FBXL14: variants seen among roughly 807,000 people sequenced by gnomAD.
The protein encoded by FBXL14 is F-box and leucine rich repeat protein 14, also known as F-box/LRR-repeat protein 14.
FBXL14 carries 11 observed loss-of-function variants against 24.5 expected under a neutral mutation model. The ratio of observed to expected loss-of-function variants is 0.45; its 90% CI spans 0.28 to 0.74. FBXL14 has a LOEUF of 0.74. Among genes scored for constraint, FBXL14 ranks in the 30% least tolerant of loss-of-function variants. The probability of loss-of-function intolerance (pLI) is 0.12; values close to 1 mark genes in which losing one functional copy is unlikely to be tolerated. For missense variants in FBXL14, 384 were observed against 545.6 expected (o/e 0.70, Z 2.95); for synonymous variants, 294 against 240.4 (o/e 1.22, Z -2.06).
At chr12:1,581,028 T>C (rs916271654) in intron 1 of FBXL14, among the ~76,000 whole-genome samples, 4 of 152,202 alleles carry the variant, frequency 2.6e-5, no homozygotes, top group Non-Finnish European at 4.4e-5. Flanking sequence ...TGTTGATACC[T>C]GCTTCAGTGT....
chr12:1,577,135 G>T lies in FBXL14; in HGVS notation c.1195-10325C>A, dbSNP rs374171239. Reference sequence around the variant, plus strand: ...AACTTCTAGCAATGCTTAAGCAGGAGGCCAGGGAAGAGAGAATCTTGATAC... The same window carrying T: ...AACTTCTAGCAATGCTTAAGCAGGATGCCAGGGAAGAGAGAATCTTGATAC... On this transcript the variant is annotated intron_variant, in intron 1 of 1. Transcript: ENST00000339235. Among the ~76,000 whole-genome samples the T allele has an allele frequency of 2.1e-3, 322 of 152,348 alleles. 11 individuals carry two copies. In the South Asian group the frequency reaches 0.064, roughly 30 times the overall value.
Position 1,593,298 on chromosome 12 carries a change from T to G in FBXL14, c.769A>C (p.Ser257Arg). The change falls in exon 1 of 2, where the codon AGC becomes CGC. Residue 257 changes from serine (S) to arginine (R), a missense_variant. Transcript: ENST00000339235. The surrounding 1 kb of genome is among the most constrained non-coding windows in gnomAD (Gnocchi z 7.4). ...LHLSHMGSLR[S>R]LNLRSCDNIS... Reference sequence around the variant, plus strand: ...TTGTCACAGGAGCGCAGGTTGAGGCTGCGCAGGCTGCCCATGTGCGACAGG... The same window carrying G: ...TTGTCACAGGAGCGCAGGTTGAGGCGGCGCAGGCTGCCCATGTGCGACAGG... 1 of 1,612,924 alleles carries G rather than the reference T, an allele frequency of 6.2e-7. No homozygotes were observed.
At chr12:1,583,582 A>AG (rs2094471051) in intron 1 of FBXL14, among the ~76,000 whole-genome samples, 1 of 152,220 alleles carries the variant, frequency 6.6e-6, no homozygotes, top group Non-Finnish European at 1.5e-5. Flanking sequence ...TGAAAGAGAA[A>AG]GGACCAGAGG....
chr12:1,588,961 G>A (rs7306137), intron 1 of FBXL14, among the ~76,000 whole-genome samples: 1 of 150,934 alleles, frequency 6.6e-6, no homozygotes, highest in Non-Finnish European at 1.5e-5. Context: ...TTGAAGTACT[G>A]CCCTATGGCA....
chr12:1,581,898 G>A (rs2094467080), intron 1 of FBXL14, among the ~76,000 whole-genome samples: 1 of 152,216 alleles, frequency 6.6e-6, no homozygotes, highest in Non-Finnish European at 1.5e-5. Context: ...GCTGAGGCGG[G>A]TAGATCACCT....
chr12:1,575,031 A>G (rs2094453241), intron 1 of FBXL14, among the ~76,000 whole-genome samples: 1 of 152,324 alleles, frequency 6.6e-6, no homozygotes, highest in South Asian at 2.1e-4. Flanking sequence ...ATCTAAGTAC[A>G]ACAGTATGTC....
intron 1 of FBXL14, among the ~76,000 whole-genome samples, chr12:1,585,151 C>T (rs1224983545): frequency 1.3e-5 from 2 of 152,188 alleles, no homozygotes; most frequent in African/African-American, 4.8e-5. Context: ...GTCATCCCAG[C>T]ACTTTGGGAG....
intron 1 of FBXL14, among the ~76,000 whole-genome samples, chr12:1,581,592 G>A (rs757676123): frequency 2.0e-5 from 3 of 152,132 alleles, no homozygotes; most frequent in East Asian, 1.9e-4. Context: ...CTAGCTTCCC[G>A]GCAGAAATGG....
At position 1,567,891 on chromosome 12, in the gene FBXL14, G is replaced by A. The variant is rs544968018; in HGVS notation, c.1195-1081C>T. Among the ~76,000 whole-genome samples, 6 of 152,116 alleles carry A rather than the reference G, an allele frequency of 3.9e-5. No individual in the cohort carries two copies. The highest frequency in any genetic ancestry group is 6.5e-5 in the Admixed American group (1 of 15,278). ...AAAACCCACCCACACGCACACGCGC[G>A]CACACACGTGCGCACACACACAGAA... On this transcript the variant is annotated intron_variant, in intron 1 of 1. Coordinates refer to ENST00000339235, the MANE Select transcript of FBXL14 (RefSeq NM_152441.3). The surrounding 1 kb of genome is among the most constrained non-coding windows in gnomAD (Gnocchi z 4.8).
chr12:1,594,303 C>A lies in FBXL14; in HGVS notation c.-237G>T, dbSNP rs1284195508. On this transcript the variant is annotated 5_prime_UTR_variant, in exon 1 of 2. Transcript: ENST00000339235. ...CGCCTCCGGCCCGGCCCTCCCCCGC[C>A]CCGGGCTCCGCACGGCGCTCACATC... 1 of 159,054 alleles carries A rather than the reference C, an allele frequency of 6.3e-6. No homozygotes were observed. Among genetic ancestry groups the A allele is most frequent in the African/African-American group, 2.4e-5 (1 of 41,192 alleles). The allele number at this position is 159,054 out of a possible 1,614,324, so 9.9% of individuals were successfully genotyped here.
chr12:1,568,718 T>G (rs548338129), intron 1 of FBXL14, among the ~76,000 whole-genome samples: 8 of 152,076 alleles, frequency 5.3e-5, no homozygotes, highest in Non-Finnish European at 8.8e-5. Flanking sequence ...AAAATTAGCC[T>G]GGCGTGGTGG....
At chr12:1,580,629 T>C (rs2094464462) in intron 1 of FBXL14, among the ~76,000 whole-genome samples, 1 of 152,138 alleles carries the variant, frequency 6.6e-6, no homozygotes, top group Admixed American at 6.5e-5. Context: ...ATTTTCCACT[T>C]GATTAGAGGC....
rs11061859 is a variant in FBXL14, at chr12:1,567,793, G to A, written c.1195-983C>T. The stretch of plus-strand genomic sequence containing the variant: ...TGGGCTTTGATGGATTTGTGGACTG[G>A]ACACAGCTGAGGAGAGGATCTCTGA... On this transcript the variant is annotated intron_variant, in intron 1 of 1. Coordinates refer to ENST00000339235, the MANE Select transcript of FBXL14 (RefSeq NM_152441.3). This position sits in a 1 kb window ranked among gnomAD's most constrained non-coding sequence, Gnocchi z 4.8. Among the ~76,000 whole-genome samples the A allele has an allele frequency of 0.052, 7,876 of 152,286 alleles. 513 individuals carry two copies. Among genetic ancestry groups the A allele is most frequent in the African/African-American group, 0.14 (5,773 of 41,536 alleles).
upstream of FBXL14, among the ~76,000 whole-genome samples, chr12:1,594,758 C>A (rs2094498312): frequency 1.3e-5 from 2 of 150,098 alleles, no homozygotes. Flanking sequence ...CGGCGCAGAC[C>A]CCGGGCGAGC....
rs184064808 is a variant in FBXL14, at chr12:1,566,574, G to C, written c.*174C>G. 1.7e-6 allele frequency: 1 copy of C among 588,250 alleles called. No homozygotes were observed. The highest frequency in any genetic ancestry group is 3.1e-6 in the Non-Finnish European group (1 of 327,608). 36.4% of individuals were successfully genotyped at this position (588,250 alleles called of 1,614,324 possible). A position where few individuals can be genotyped will look rare whatever the true frequency, so the allele number is the denominator to read the frequency against. ...CACTGTCCCCAGAACTGGAGAAACC[G>C]GCAGGAGAATGCAGCTTCACAAGGT... On this transcript the variant is annotated 3_prime_UTR_variant, in exon 2 of 2. Transcript: ENST00000339235.
At chr12:1,594,744 G>C (rs2094498291), upstream of FBXL14, among the ~76,000 whole-genome samples, 1 of 149,982 alleles carries the variant, frequency 6.7e-6, no homozygotes, top group South Asian at 2.1e-4. Context: ...GCCGGAGCGC[G>C]GCTCGGCGCA....
At chr12:1,591,267 G>A in intron 1 of FBXL14, among the ~76,000 whole-genome samples, 1 of 150,582 alleles carries the variant, frequency 6.6e-6, no homozygotes. Context: ...TCCTCTTAGA[G>A]TATACAAACA....
At chr12:1,592,237 A>G (rs1222796186) in intron 1 of FBXL14, among the ~76,000 whole-genome samples, 3 of 147,880 alleles carry the variant, frequency 2.0e-5, no homozygotes, top group African/African-American at 7.4e-5. Flanking sequence ...TATAGAATAT[A>G]TTCAGCAGAA....
At chr12:1,584,230 G>A (rs551660162) in intron 1 of FBXL14, among the ~76,000 whole-genome samples, 1 of 152,040 alleles carries the variant, frequency 6.6e-6, no homozygotes, top group Non-Finnish European at 1.5e-5. Context: ...ACATGCCTGT[G>A]GTCCCAGCTA....
Sources: gnomAD v4.1 joint callset for allele counts (sites outside exome capture counted in the v4.1 genomes callset) on GRCh38, gnomAD v4.1.1 for gene constraint, Gnocchi (gnomAD v3.1) non-coding constraint, MANE v1.5 for transcripts, NCBI Gene and HGNC (gene_info 2026-07-23, HGNC 2026-07-21) for gene names.